Variants in IGSF11 observed in about 807,000 individuals in gnomAD.
IGSF11 encodes CXADR like 1.
In IGSF11, 22 loss-of-function variants were observed where a neutral mutation model predicts 41.0. The ratio of observed to expected loss-of-function variants is 0.54; its 90% confidence interval spans 0.38 to 0.77. IGSF11 has a LOEUF of 0.77. IGSF11 is among the 30% of genes least tolerant of loss of function. The pLI, the probability that IGSF11 is intolerant of heterozygous loss-of-function variation, is 0.00. For missense variants in IGSF11, 444 were observed against 530.8 expected, an observed-to-expected ratio of 0.84 and a Z score of 1.61; for synonymous variants, 219 against 201.3, an observed-to-expected ratio of 1.09 and a Z score of -0.74.
chr3:119,099,884 G>A (rs2076914319), intron 1 of IGSF11, among the ~76,000 whole-genome samples: 2 of 152,168 alleles, frequency 1.3e-5, no homozygotes, highest in Non-Finnish European at 2.9e-5. Flanking sequence ...CTGAAACTCT[G>A]GGTAGTATTG....
intron 4 of IGSF11, among the ~76,000 whole-genome samples, chr3:118,917,114 A>G (rs1334359382): frequency 6.6e-6 from 1 of 151,874 alleles, no homozygotes; most frequent in African/African-American, 2.4e-5. Context: ...AGCAGTGTGT[A>G]GAGGGAAATT....
chr3:118,971,328 G>A (rs1332282446), intron 1 of IGSF11, among the ~76,000 whole-genome samples: 1 of 152,026 alleles, frequency 6.6e-6, no homozygotes, highest in Non-Finnish European at 1.5e-5. Flanking sequence ...AACATTTTAG[G>A]TTTATGTGTA....
chr3:119,046,465 G>A (rs558101222), intron 1 of IGSF11, among the ~76,000 whole-genome samples: 2 of 152,140 alleles, frequency 1.3e-5, no homozygotes, highest in Admixed American at 6.5e-5. Flanking sequence ...AAAGAAATGA[G>A]CAAAGCCTCC....
chr3:119,001,153 T>C (rs990861143), intron 1 of IGSF11, among the ~76,000 whole-genome samples: 2 of 151,702 alleles, frequency 1.3e-5, no homozygotes, highest in Non-Finnish European at 2.9e-5. Flanking sequence ...TATCCTTCAA[T>C]TGGCACTTAG....
At chr3:118,906,386 AAC>A (rs1356284233) in intron 4 of IGSF11, among the ~76,000 whole-genome samples, 1 of 152,148 alleles carries the variant, frequency 6.6e-6, no homozygotes, top group Non-Finnish European at 1.5e-5. Flanking sequence ...CTCAGGCTGC[AAC>A]ACAGTTTTAT....
chr3:118,927,511 G>T (rs974512559), intron 3 of IGSF11, among the ~76,000 whole-genome samples: 1 of 152,090 alleles, frequency 6.6e-6, no homozygotes, highest in Non-Finnish European at 1.5e-5. Flanking sequence ...CCCCGACTTG[G>T]TCATCAGTTT....
At chr3:118,903,560 T>C (rs1238054015) in intron 6 of IGSF11, among the ~76,000 whole-genome samples, 1 of 152,180 alleles carries the variant, frequency 6.6e-6, no homozygotes, top group Non-Finnish European at 1.5e-5. Flanking sequence ...TGTGGGGTGC[T>C]GATGAGAGGT....
intron 1 of IGSF11, among the ~76,000 whole-genome samples, chr3:118,969,394 A>G (rs1169062360): frequency 6.6e-6 from 1 of 152,188 alleles, no homozygotes; most frequent in Non-Finnish European, 1.5e-5. Flanking sequence ...GGAAGCTGAG[A>G]AGTCTCCCAG....
At chr3:118,951,399 A>G (rs1464218782) in intron 1 of IGSF11, among the ~76,000 whole-genome samples, 2 of 152,188 alleles carry the variant, frequency 1.3e-5, no homozygotes, top group African/African-American at 4.8e-5. Flanking sequence ...TGGCCACTGT[A>G]TCTTAACATT....
At chr3:119,020,329 C>T (rs1939163367) in intron 1 of IGSF11, among the ~76,000 whole-genome samples, 1 of 152,150 alleles carries the variant, frequency 6.6e-6, no homozygotes, top group Non-Finnish European at 1.5e-5. Flanking sequence ...GCCTCAGACT[C>T]CACCTGTTTT....
chr3:118,937,068 C>T lies in IGSF11; in HGVS notation c.53-6793G>A, dbSNP rs1035525528. Among the ~76,000 whole-genome samples the T allele has an allele frequency of 3.9e-4, 59 of 152,192 alleles. 1 individual carries two copies. Among genetic ancestry groups the T allele is most frequent in the African/African-American group, 1.4e-3 (59 of 41,446 alleles). On this transcript the variant is annotated intron_variant, in intron 1 of 6. Transcript: ENST00000393775. The stretch of plus-strand genomic sequence containing the variant: ...GACTATGAAGCAAGTGCTCATGTTT[C>T]AGGATTAGCCCAACTGCCAGAACAC...
At chr3:118,938,931 CAAG>C (rs1943477681) in intron 1 of IGSF11, among the ~76,000 whole-genome samples, 1 of 152,050 alleles carries the variant, frequency 6.6e-6, no homozygotes, top group Non-Finnish European at 1.5e-5. Flanking sequence ...CTTCAAAGTA[CAAG>C]AAGGAAACAC....
intron 1 of IGSF11, among the ~76,000 whole-genome samples, chr3:118,995,495 G>A (rs1208746109): frequency 6.6e-6 from 1 of 151,968 alleles, no homozygotes; most frequent in Admixed American, 6.6e-5. Context: ...AATAGTCCAG[G>A]ATAAAATGAT....
intron 1 of IGSF11, among the ~76,000 whole-genome samples, chr3:119,114,715 G>A (rs571691793): frequency 6.6e-6 from 1 of 152,140 alleles, no homozygotes; most frequent in East Asian, 1.9e-4. Flanking sequence ...ACTTTTGCCT[G>A]TTACCCAGTT....
At chr3:119,078,613 C>G (rs977201842) in intron 1 of IGSF11, among the ~76,000 whole-genome samples, 3 of 152,098 alleles carry the variant, frequency 2.0e-5, no homozygotes, top group Non-Finnish European at 4.4e-5. Context: ...TATAAAAACC[C>G]TAGAAGAAAA....
intron 1 of IGSF11, among the ~76,000 whole-genome samples, chr3:119,053,222 T>C (rs1258715934): frequency 6.6e-6 from 1 of 151,982 alleles, no homozygotes; most frequent in Non-Finnish European, 1.5e-5. Flanking sequence ...TTTGCTGATT[T>C]GCTGCTGTTT....
intron 1 of IGSF11, among the ~76,000 whole-genome samples, chr3:118,972,623 T>G (rs1255273644): frequency 6.6e-6 from 1 of 152,156 alleles, no homozygotes; most frequent in African/African-American, 2.4e-5. Context: ...ACACAACACA[T>G]GGGTACAGGG....
intron 1 of IGSF11, among the ~76,000 whole-genome samples, chr3:118,957,511 G>A (rs557618100): frequency 2.0e-5 from 3 of 152,144 alleles, no homozygotes; most frequent in African/African-American, 4.8e-5. Flanking sequence ...CAAATGTGTC[G>A]ACATAGAGTT....
intron 1 of IGSF11, among the ~76,000 whole-genome samples, chr3:119,114,742 A>G (rs2077232618): frequency 6.6e-6 from 1 of 152,082 alleles, no homozygotes; most frequent in South Asian, 2.1e-4. Context: ...TTGCTTCCAC[A>G]TTTTCAGGTA....
Sources: allele counts gnomAD v4.1 joint callset (sites outside exome capture counted in the v4.1 genomes callset), GRCh38; gene constraint gnomAD v4.1.1; transcripts MANE v1.5; gene names NCBI Gene and HGNC (gene_info 2026-07-23, HGNC 2026-07-21).